The following C14orf39 variants were observed in gnomAD, a reference collection of about 807,000 sequenced individuals.
C14orf39 encodes the protein protein SIX6OS1.
Under a neutral mutation model 85.6 loss-of-function variants are expected in C14orf39, and 66 were observed. The ratio of observed to expected loss-of-function variants is 0.77; its 90% CI spans 0.63 to 0.95. The LOEUF (loss-of-function observed/expected upper bound fraction) is 0.95. Ranked by LOEUF, C14orf39 falls within the 40% of genes least tolerant of loss-of-function variation. The pLI, the probability that C14orf39 is intolerant of heterozygous loss-of-function variation, is 0.00. For missense variants in C14orf39, 735 were observed against 663.9 expected (o/e 1.11, Z -1.18); for synonymous variants, 242 against 214.0 (o/e 1.13, Z -1.14).
chr14:60,472,097 T>C (rs985573910), intron 5 of C14orf39, among the ~76,000 whole-genome samples: 3 of 152,058 alleles, frequency 2.0e-5, no homozygotes, highest in Admixed American at 6.6e-5. Flanking sequence ...TTCTGATCAC[T>C]TACTCCTTGT....
At chr14:60,460,313 T>C (rs1891460634) in intron 13 of C14orf39, among the ~76,000 whole-genome samples, 1 of 151,786 alleles carries the variant, frequency 6.6e-6, no homozygotes. Flanking sequence ...TTGGCATATA[T>C]AGATTATAAA....
intron 1 of C14orf39, among the ~76,000 whole-genome samples, chr14:60,500,387 G>A (rs1893125339): frequency 2.0e-5 from 3 of 152,072 alleles, no homozygotes; most frequent in Admixed American, 2.0e-4. Context: ...CTTTTTGGAT[G>A]GAAATTTGGA....
At position 60,436,099 on chromosome 14, in the gene C14orf39, T is replaced by C. The variant is rs1890237848; in HGVS notation, c.*746A>G. 6.6e-6 allele frequency: 1 copy of C among 152,092 alleles called. No homozygotes were observed. The highest frequency in any genetic ancestry group is 2.1e-4 in the South Asian group (1 of 4,826). The allele number at this position is 152,092 out of a possible 1,614,324, so 9.4% of individuals were successfully genotyped here. A position where few individuals can be genotyped will look rare whatever the true frequency, so the allele number is the denominator to read the frequency against. On this transcript the variant is annotated 3_prime_UTR_variant, in exon 18 of 18. Transcript: ENST00000321731. ...AGCTATATAATTAATTGACAAATAC[T>C]GAACACAAAACATAAAGAAGAAATT...
At chr14:60,477,863 C>T (rs976275164) in intron 5 of C14orf39, among the ~76,000 whole-genome samples, 3 of 151,820 alleles carry the variant, frequency 2.0e-5, no homozygotes, top group Non-Finnish European at 2.9e-5. Flanking sequence ...CCAAGGAGTC[C>T]AAAACACTAC....
At chr14:60,474,379 G>T in intron 5 of C14orf39, among the ~76,000 whole-genome samples, 1 of 116,046 alleles carries the variant, frequency 8.6e-6, no homozygotes, top group Non-Finnish European at 1.9e-5. Context: ...TTTCCTAATT[G>T]AATACCATTT....
intron 16 of C14orf39, among the ~76,000 whole-genome samples, chr14:60,447,195 G>C (rs1452738110): frequency 6.6e-6 from 1 of 152,292 alleles, no homozygotes; most frequent in African/African-American, 2.4e-5. Flanking sequence ...GGAAGTTCTG[G>C]CCAGGGCAAT....
intron 1 of C14orf39, chr14:60,509,538 T>C (rs1371320967): frequency 6.2e-7 from 1 of 1,609,810 alleles, no homozygotes. Context: ...TGCGAGGCCC[T>C]CAACAAGAAT....
At position 60,455,078 on chromosome 14, in the gene C14orf39, T is replaced by C. The variant is rs1174294883; in HGVS notation, c.1426A>G (p.Met476Val). ...EKESPGLSFL[M>V]SYTSRSPGLN... The stretch of plus-strand genomic sequence containing the variant: ...CCAGGTGATCTAGAAGTATAACTCA[T>C]AAGAAAAGAAAGTCCAGGGGATTCC... The change falls in exon 16 of 18, where the codon ATG (methionine) becomes GTG (valine). Residue 476 changes from methionine to valine, a missense_variant. Physicochemically the swap from Met to Val is conservative, Grantham distance 21. Transcript: ENST00000321731. 15 of 1,579,308 alleles carry C rather than the reference T, an allele frequency of 9.5e-6. No homozygotes were observed. Among genetic ancestry groups the C allele is most frequent in the Non-Finnish European group, 1.1e-5 (13 of 1,166,922 alleles).
At chr14:60,482,879 G>GGTGTGTGTGGGTGTGT (rs1892702088) in intron 4 of C14orf39, among the ~76,000 whole-genome samples, 1 of 146,644 alleles carries the variant, frequency 6.8e-6, no homozygotes, top group East Asian at 2.0e-4. Context: ...TATATAGACA[G>GGTGTGTGTGGGTGTGT]GTGTGTGTGT....
intron 16 of C14orf39, among the ~76,000 whole-genome samples, chr14:60,451,683 G>A (rs563231056): frequency 3.0e-5 from 4 of 133,634 alleles, no homozygotes; most frequent in South Asian, 2.8e-4. Flanking sequence ...ACCAGGGCCC[G>A]TCATGGGGTA....
In C14orf39 at chr14:60,446,060, G is replaced by A. The variant is rs183337629; in HGVS notation, c.1504-3929C>T. ...CCAGAATCTCTGGGACACGTTTAAA[G>A]CAGTGTGTAGAGGGAAATTTATAGT... is the stretch of plus-strand genomic sequence containing the variant. On this transcript the variant is annotated intron_variant, in intron 16 of 17. Transcript: ENST00000321731. 3.3e-5 allele frequency among the ~76,000 whole-genome samples: 5 copies of A among 152,286 alleles called. No homozygotes were observed. The East Asian group carries it at 9.6e-4, about 29-fold the overall frequency.
At chr14:60,473,016 C>T (rs1892179300) in intron 5 of C14orf39, among the ~76,000 whole-genome samples, 1 of 152,162 alleles carries the variant, frequency 6.6e-6, no homozygotes, top group South Asian at 2.1e-4. Context: ...TTTACAGTCC[C>T]ACCAACAGTG....
intron 1 of C14orf39, among the ~76,000 whole-genome samples, chr14:60,510,448 T>C (rs961124563): frequency 1.3e-5 from 2 of 152,316 alleles, no homozygotes; most frequent in Admixed American, 1.3e-4. Flanking sequence ...TTTTGAGAAA[T>C]GGGAAGTCGA....
chr14:60,496,423 C>A, intron 2 of C14orf39: 1 of 296,024 alleles, frequency 3.4e-6, no homozygotes, highest in Non-Finnish European at 6.3e-6. Context: ...CAGTGTCTGT[C>A]TCTAAGTACA....
In C14orf39 at chr14:60,499,500, C is replaced by T. The variant is rs376559967; in HGVS notation, c.-143-70G>A. ...TTAGAAAATGATTTGAAGAAGAAAA[C>T]AACGCTGTTAGATTTCAAATTTACA... is the stretch of plus-strand genomic sequence containing the variant. On this transcript the variant is annotated intron_variant, in intron 1 of 5. Transcript: ENST00000556799. 4 of 152,256 alleles carry T rather than the reference C, an allele frequency of 2.6e-5. No homozygotes were observed. In the East Asian group the frequency reaches 7.7e-4, roughly 29 times the overall value. 9.4% of individuals were successfully genotyped at this position (152,256 alleles called of 1,614,324 possible). A position where few individuals can be genotyped will look rare whatever the true frequency, so the allele number is the denominator to read the frequency against.
intron 1 of C14orf39, among the ~76,000 whole-genome samples, chr14:60,501,498 T>C (rs1292837913): frequency 6.6e-6 from 1 of 152,158 alleles, no homozygotes; most frequent in Non-Finnish European, 1.5e-5. Context: ...GAGGCTCCTC[T>C]AGAGCCTCTG....
At chr14:60,482,935 C>A (rs1892709887) in intron 4 of C14orf39, among the ~76,000 whole-genome samples, 1 of 149,114 alleles carries the variant, frequency 6.7e-6, no homozygotes, top group South Asian at 2.1e-4. Context: ...GATGTTGACT[C>A]TTCAAGATCT....
At chr14:60,451,592 A>C (rs2140055564) in intron 16 of C14orf39, among the ~76,000 whole-genome samples, 1 of 151,774 alleles carries the variant, frequency 6.6e-6, no homozygotes, top group African/African-American at 2.4e-5. Context: ...CAAGGACAGA[A>C]AACTAAACAC....
intron 1 of C14orf39, chr14:60,512,158 G>A (rs1438306891): frequency 6.6e-6 from 1 of 152,186 alleles, no homozygotes; most frequent in African/African-American, 2.4e-5. Flanking sequence ...AGGTAATTAT[G>A]GCTTGTCCAC....
Sources: allele counts gnomAD v4.1 joint callset (sites outside exome capture counted in the v4.1 genomes callset), GRCh38; gene constraint gnomAD v4.1.1; transcripts MANE v1.5; gene names NCBI Gene and HGNC (gene_info 2026-07-23, HGNC 2026-07-21).